DNM3: variants seen among roughly 807,000 people sequenced by gnomAD.
The protein encoded by DNM3 is dynamin 3, also known as dynamin-3.
A neutral mutation model predicts 101.6 loss-of-function variants in DNM3; 47 were observed. The ratio of observed to expected loss-of-function variants is 0.46; its 90% confidence interval spans 0.37 to 0.59. The LOEUF (loss-of-function observed/expected upper bound fraction) is 0.59. Among genes scored for constraint, DNM3 ranks in the 20% least tolerant of loss-of-function variants. The pLI, the probability that DNM3 is intolerant of heterozygous loss-of-function variation, is 0.00. For synonymous variants in DNM3, 385 were observed against 387.9 expected, an observed-to-expected ratio of 0.99 and a Z score of 0.09; for missense variants, 849 against 1,085.7, an observed-to-expected ratio of 0.78 and a Z score of 3.06.
chr1:171,982,001 T>C lies in DNM3; in HGVS notation c.236-5655T>C, dbSNP rs574446478. On this transcript the variant is annotated intron_variant, in intron 2 of 20. Transcript: ENST00000627582. ...TGCTGGGCTGAAGCCTCAAGTTGTT[T>C]GAGGAAAAGACCATTTCATGTGCCC... Among the ~76,000 whole-genome samples, 7 of 152,264 alleles carry C rather than the reference T, an allele frequency of 4.6e-5. No homozygotes were observed. The East Asian group carries it at 1.2e-3, about 25-fold the overall frequency.
At chr1:172,090,378 G>A (rs1254791456) in intron 12 of DNM3, among the ~76,000 whole-genome samples, 5 of 152,170 alleles carry the variant, frequency 3.3e-5, no homozygotes, top group African/African-American at 4.8e-5. Context: ...TGCTACTCAA[G>A]ACGCTGTGTG....
At chr1:172,293,580 G>T (rs2064021084) in intron 15 of DNM3, among the ~76,000 whole-genome samples, 1 of 152,192 alleles carries the variant, frequency 6.6e-6, no homozygotes, top group Non-Finnish European at 1.5e-5. Context: ...ACAGCATGTG[G>T]TGAGAACCTG....
chr1:172,126,485 AT>A (rs1230543502), intron 13 of DNM3, among the ~76,000 whole-genome samples: 1 of 152,212 alleles, frequency 6.6e-6, no homozygotes, highest in Non-Finnish European at 1.5e-5. Flanking sequence ...AAATTTTTAA[AT>A]TTTTAAATTA....
chr1:172,154,435 C>T (rs992212700), intron 14 of DNM3, among the ~76,000 whole-genome samples: 1 of 152,066 alleles, frequency 6.6e-6, no homozygotes, highest in Admixed American at 6.6e-5. Context: ...ACTTAAAATT[C>T]ACTCACGGAG....
chr1:172,241,459 A>G (rs1191390378), intron 14 of DNM3, among the ~76,000 whole-genome samples: 3 of 152,008 alleles, frequency 2.0e-5, no homozygotes, highest in Admixed American at 6.6e-5. Flanking sequence ...AGCCATAATA[A>G]TATATGTTGA....
At chr1:172,249,559 G>A (rs2062088113) in intron 14 of DNM3, among the ~76,000 whole-genome samples, 1 of 152,040 alleles carries the variant, frequency 6.6e-6, no homozygotes, top group Non-Finnish European at 1.5e-5. Flanking sequence ...CGACCCTCCT[G>A]TATTGAGGAA....
At chr1:172,136,093 G>GA (rs1363816266) in intron 14 of DNM3, among the ~76,000 whole-genome samples, 2 of 152,048 alleles carry the variant, frequency 1.3e-5, no homozygotes, top group Admixed American at 1.3e-4. Context: ...TACTATTGAG[G>GA]AAAACCCAAC....
chr1:172,331,801 G>A (rs984660673), intron 17 of DNM3, among the ~76,000 whole-genome samples: 1 of 152,122 alleles, frequency 6.6e-6, no homozygotes, highest in Non-Finnish European at 1.5e-5. Context: ...TTTTACTACT[G>A]TCAAAGTTTG....
intron 13 of DNM3, among the ~76,000 whole-genome samples, chr1:172,111,178 GC>G (rs1312790831): frequency 6.6e-6 from 1 of 152,168 alleles, no homozygotes; most frequent in Non-Finnish European, 1.5e-5. Context: ...TAAAACCCTA[GC>G]AGATGCTATT....
intron 8 of DNM3, among the ~76,000 whole-genome samples, chr1:172,043,277 C>T (rs766643328): frequency 2.3e-4 from 35 of 152,128 alleles, no homozygotes; most frequent in Non-Finnish European, 4.1e-4. Context: ...TAGTGCCCAT[C>T]AGATGAGGGA....
chr1:171,957,419 C>T (rs549120120), intron 2 of DNM3, among the ~76,000 whole-genome samples: 63 of 152,130 alleles, frequency 4.1e-4, no homozygotes, highest in African/African-American at 1.3e-3. Context: ...AGGATGGACT[C>T]GATCTCCTGA....
intron 15 of DNM3, among the ~76,000 whole-genome samples, chr1:172,298,258 G>C (rs1344797822): frequency 6.6e-6 from 1 of 151,972 alleles, no homozygotes; most frequent in East Asian, 1.9e-4. Flanking sequence ...CTGACTGTTA[G>C]CTTCTTTAGG....
At chr1:172,312,164 C>A (rs756751092) in intron 16 of DNM3, among the ~76,000 whole-genome samples, 1 of 152,142 alleles carries the variant, frequency 6.6e-6, no homozygotes, top group Non-Finnish European at 1.5e-5. Context: ...GTCAGAATAA[C>A]CTAATAACAG....
chr1:172,340,464 T>C (rs185854904), intron 17 of DNM3, among the ~76,000 whole-genome samples: 103 of 152,356 alleles, frequency 6.8e-4, no homozygotes, highest in Admixed American at 5.5e-3. Context: ...CCCACTGGTC[T>C]GCTTTACAAG....
chr1:172,117,364 T>C (rs1187976914), intron 13 of DNM3, among the ~76,000 whole-genome samples: 3 of 152,160 alleles, frequency 2.0e-5, no homozygotes, highest in Non-Finnish European at 2.9e-5. Context: ...CCCTGAATTG[T>C]ATCTCTCAGA....
intron 14 of DNM3, among the ~76,000 whole-genome samples, chr1:172,222,374 G>A (rs1221838146): frequency 6.6e-6 from 1 of 152,096 alleles, no homozygotes; most frequent in Non-Finnish European, 1.5e-5. Flanking sequence ...AAAATTACTT[G>A]GAACACTGGT....
intron 1 of DNM3, among the ~76,000 whole-genome samples, chr1:171,879,374 C>G (rs1229294265): frequency 6.6e-6 from 1 of 152,066 alleles, no homozygotes; most frequent in Non-Finnish European, 1.5e-5. Context: ...ATATGATGTA[C>G]TTTGATTAGT....
intron 10 of DNM3, among the ~76,000 whole-genome samples, chr1:172,051,679 A>T (rs990605230): frequency 1.3e-5 from 2 of 152,232 alleles, no homozygotes; most frequent in African/African-American, 4.8e-5. Flanking sequence ...CACTGCTGAC[A>T]GATCTAGGTT....
intron 13 of DNM3, among the ~76,000 whole-genome samples, chr1:172,126,670 G>T (rs1294657047): frequency 2.0e-5 from 3 of 151,724 alleles, no homozygotes; most frequent in Admixed American, 2.0e-4. Flanking sequence ...CATCACATCA[G>T]CTTAAACTCT....
Sources: allele counts gnomAD v4.1 joint callset (sites outside exome capture counted in the v4.1 genomes callset), GRCh38; gene constraint gnomAD v4.1.1; transcripts MANE v1.5; gene names NCBI Gene and HGNC (gene_info 2026-07-23, HGNC 2026-07-21).